THRA: variants seen among roughly 807,000 people sequenced by gnomAD.
THRA encodes thyroid hormone receptor alpha, also known as EAR-7.
Under a neutral mutation model 45.0 loss-of-function variants are expected in THRA, and 13 were observed. The ratio of observed to expected loss-of-function variants is 0.29; its 90% CI spans 0.19 to 0.46. The LOEUF (loss-of-function observed/expected upper bound fraction) is 0.46. Among genes scored for constraint, THRA ranks in the 20% least tolerant of loss-of-function variants. The pLI is 1.00. For missense variants in THRA, 278 were observed against 556.1 expected (o/e 0.50, Z 5.03); for synonymous variants, 195 against 214.0 (o/e 0.91, Z 0.78).
chr17:40,088,950 C>G (rs370548856), intron 8 of THRA, among the ~76,000 whole-genome samples: 1 of 149,576 alleles, frequency 6.7e-6, no homozygotes. Context: ...CCCCAGCCCC[C>G]GGCCTGTCCC....
In THRA at chr17:40,089,138, C is replaced by G; in HGVS notation, c.983-68C>G. On this transcript the variant is annotated intron_variant, in intron 8 of 8. Transcript: ENST00000450525. This position sits in a 1 kb window ranked among gnomAD's most constrained non-coding sequence, Gnocchi z 6.1. ...CTAGTCCTTTCTTCCCACGTCCCCA[C>G]ACCTCACCCTCCCCATCTCCAGGCC... 1 of 1,516,034 alleles carries G rather than the reference C, an allele frequency of 6.6e-7. No individual in the cohort carries two copies. Among genetic ancestry groups the G allele is most frequent in the Non-Finnish European group, 9.1e-7 (1 of 1,104,452 alleles). The allele number at this position is 1,516,034 out of a possible 1,614,324, so 93.9% of individuals were successfully genotyped here.
chr17:40,069,386 TC>T (rs1448828638), intron 1 of THRA, among the ~76,000 whole-genome samples: 1 of 150,340 alleles, frequency 6.7e-6, no homozygotes, highest in Admixed American at 6.6e-5. Context: ...TCCCTTTCTT[TC>T]CCCCTCCACC....
chr17:40,080,093 G>A (rs1250383872), intron 4 of THRA, among the ~76,000 whole-genome samples: 2 of 150,052 alleles, frequency 1.3e-5, no homozygotes, highest in South Asian at 4.3e-4. Context: ...AAAAAAAAAA[G>A]AAACAGAATG....
intron 1 of THRA, among the ~76,000 whole-genome samples, chr17:40,063,905 C>T (rs954382844): frequency 8.8e-5 from 13 of 148,014 alleles, no homozygotes; most frequent in Non-Finnish European, 1.6e-4. Flanking sequence ...AAAGAACCAC[C>T]GTTCCAGGGG....
chr17:40,063,365 G>C (rs1037726878), intron 1 of THRA, among the ~76,000 whole-genome samples: 1 of 152,120 alleles, frequency 6.6e-6, no homozygotes, highest in East Asian at 1.9e-4. Flanking sequence ...TGGAGGGCCC[G>C]CCCGGCCTCT....
rs1987412404 is a variant in THRA at position 40,088,493 on chromosome 17, G to T, written c.975G>T (p.Met325Ile). The T allele has an allele frequency of 1.9e-6, 3 of 1,612,224 alleles. No individual in the cohort carries two copies. Among genetic ancestry groups the T allele is most frequent in the Non-Finnish European group, 2.5e-6 (3 of 1,178,676 alleles). ...EVALLQAVLL[M>I]STDRSGLLCV... ...CTCTGCTGCAGGCTGTGCTGCTAAT[G>T]TCAACAGGTACCTGCTGATTAGTCG... The change falls in exon 8 of 9, where the codon ATG (methionine) becomes ATT (isoleucine). Residue 325 changes from methionine (M) to isoleucine (I), a missense_variant. Met to Ile is a conservative substitution (Grantham distance 10). Transcript: ENST00000450525.
chr17:40,064,922 G>T (rs1986498294), intron 1 of THRA, among the ~76,000 whole-genome samples: 1 of 152,142 alleles, frequency 6.6e-6, no homozygotes, highest in South Asian at 2.1e-4. Context: ...CACAACCCCA[G>T]ATACACACAA....
In THRA at chr17:40,089,816, C is replaced by G. The variant is rs887832708; in HGVS notation, c.*360C>G. The G allele has an allele frequency of 5.3e-6, 6 of 1,130,518 alleles. No homozygotes were observed. Among genetic ancestry groups the G allele is most frequent in the Non-Finnish European group, 6.6e-6 (6 of 915,882 alleles). The allele number at this position is 1,130,518 out of a possible 1,614,324, so 70.0% of individuals were successfully genotyped here. On this transcript the variant is annotated 3_prime_UTR_variant, in exon 9 of 9. Transcript: ENST00000450525. The surrounding 1 kb of genome is among the most constrained non-coding windows in gnomAD (Gnocchi z 6.1). ...AGGAATGTGGGCTGGGGGAAGATGC[C>G]CTCAACTCACCCCCTACACACACAT...
Position 40,092,569 on chromosome 17 carries a change from G to T in THRA, c.*3113G>T, listed in dbSNP as rs1045367495. ...GATTTTAAAGAAAGATATTTTTATG[G>T]TAATTGTTGCTCGTCTATTTTACTA... On this transcript the variant is annotated 3_prime_UTR_variant, in exon 9 of 9. Transcript: ENST00000450525. The T allele has an allele frequency of 6.4e-6, 1 of 156,052 alleles. No homozygotes were observed. Among genetic ancestry groups the T allele is most frequent in the Non-Finnish European group, 1.4e-5 (1 of 70,250 alleles). The allele number at this position is 156,052 out of a possible 1,614,324, so 9.7% of individuals were successfully genotyped here.
Position 40,092,614 on chromosome 17 carries a change from T to C in THRA, c.*3158T>C, listed in dbSNP as rs1429613060. 6.0e-6 allele frequency: 1 copy of C among 167,610 alleles called. No individual in the cohort carries two copies. The highest frequency in any genetic ancestry group is 5.6e-5 in the Admixed American group (1 of 17,998). The allele number at this position is 167,610 out of a possible 1,614,324, so 10.4% of individuals were successfully genotyped here. ...TTACTATATATTTATGTAATAAATA[T>C]ATGATGAAAATAACCCCCTTGGGCA... On this transcript the variant is annotated 3_prime_UTR_variant, in exon 9 of 9. Transcript: ENST00000450525.
chr17:40,087,832 C>T (rs2145083997), intron 7 of THRA, among the ~76,000 whole-genome samples: 2 of 152,300 alleles, frequency 1.3e-5, no homozygotes, highest in South Asian at 4.1e-4. Context: ...GATCTGGGCT[C>T]ACTGCAACCT....
At position 40,076,951 on chromosome 17, in the gene THRA, G is replaced by C. The variant is rs570720280; in HGVS notation, c.121+13G>C. On this transcript the variant is annotated intron_variant, in intron 3 of 8. Transcript: ENST00000450525. ...ACCAGCATGTCAGGTGAGGCTGGCTGTGCGTGCCCCTTCTCCACGTCCCCA... is the reference window on the plus strand; with the variant it reads ...ACCAGCATGTCAGGTGAGGCTGGCTCTGCGTGCCCCTTCTCCACGTCCCCA... 8.7e-6 allele frequency: 14 copies of C among 1,613,602 alleles called. No homozygotes were observed. The East Asian group carries it at 2.7e-4, about 31-fold the overall frequency.
At chr17:40,081,629 ATAT>A (rs1987139361) in intron 4 of THRA, among the ~76,000 whole-genome samples, 1 of 152,040 alleles carries the variant, frequency 6.6e-6, no homozygotes, top group Admixed American at 6.6e-5. Flanking sequence ...CTAATTCTTC[ATAT>A]TATTGCAATC....
At chr17:40,067,793 G>A (rs1986624436) in intron 1 of THRA, among the ~76,000 whole-genome samples, 1 of 152,186 alleles carries the variant, frequency 6.6e-6, no homozygotes, top group Non-Finnish European at 1.5e-5. Flanking sequence ...CAAGGCGGGA[G>A]GATCACTTGA....
intron 4 of THRA, among the ~76,000 whole-genome samples, chr17:40,081,418 C>A (rs898096128): frequency 6.6e-6 from 1 of 151,876 alleles, no homozygotes; most frequent in African/African-American, 2.4e-5. Flanking sequence ...ACGCCACAAC[C>A]CCTGGCCAAT....
At chr17:40,083,752 C>G in intron 4 of THRA, 83 bp from the exon 5 acceptor site, 2 of 1,499,562 alleles carry the variant, frequency 1.3e-6, no homozygotes, top group Non-Finnish European at 1.8e-6. Flanking sequence ...CTCTCCACCC[C>G]TGACCCCTAG....
At position 40,090,905 on chromosome 17, in the gene THRA, T is replaced by A. The variant is rs1279408771; in HGVS notation, c.*1449T>A. On this transcript the variant is annotated 3_prime_UTR_variant, in exon 9 of 9. Coordinates refer to ENST00000450525, the MANE Select transcript of THRA (RefSeq NM_199334.5). ...CGCCCTCCTGGTGAGGGTGCTCTGT[T>A]GGTCTGCACTTGGGTGAGCTGTCCT... is the stretch of plus-strand genomic sequence containing the variant. 1 of 152,352 alleles carries A rather than the reference T, an allele frequency of 6.6e-6. No individual in the cohort carries two copies. Among genetic ancestry groups the A allele is most frequent in the Non-Finnish European group, 1.5e-5 (1 of 68,144 alleles). The allele number at this position is 152,352 out of a possible 1,614,324, so 9.4% of individuals were successfully genotyped here.
chr17:40,082,647 C>CCA (rs1477763933), intron 4 of THRA, among the ~76,000 whole-genome samples: 1 of 152,150 alleles, frequency 6.6e-6, no homozygotes, highest in African/African-American at 2.4e-5. Context: ...CAGGCATGAG[C>CCA]CACCGCGCCC....
At chr17:40,065,956 A>G (rs936927387) in intron 1 of THRA, among the ~76,000 whole-genome samples, 1 of 152,182 alleles carries the variant, frequency 6.6e-6, no homozygotes, top group Non-Finnish European at 1.5e-5. Flanking sequence ...CAGTGGCGGG[A>G]GCTGGCAGGA....
Sources: gnomAD v4.1 joint callset for allele counts (sites outside exome capture counted in the v4.1 genomes callset) on GRCh38, gnomAD v4.1.1 for gene constraint, Gnocchi (gnomAD v3.1) non-coding constraint, MANE v1.5 for transcripts, NCBI Gene and HGNC (gene_info 2026-07-23, HGNC 2026-07-21) for gene names.